The following POGLUT1 variants were observed in gnomAD, a reference collection of about 807,000 sequenced individuals.
POGLUT1 encodes protein O-glucosyltransferase 1.
In POGLUT1, 32 loss-of-function variants were observed where a neutral mutation model predicts 61.3. That is an observed-to-expected ratio of 0.52 (90% confidence interval 0.39 to 0.70). The LOEUF (loss-of-function observed/expected upper bound fraction) is 0.70, where lower values mean the gene tolerates loss of function less well. Among genes scored for constraint, POGLUT1 ranks in the 30% least tolerant of loss-of-function variants. The probability of loss-of-function intolerance (pLI) is 0.00; values close to 1 mark genes in which losing one functional copy is unlikely to be tolerated. For missense variants in POGLUT1, 411 were observed against 469.8 expected, an observed-to-expected ratio of 0.87 and a Z score of 1.16; for synonymous variants, 158 against 158.2, an observed-to-expected ratio of 1.00 and a Z score of 0.01.
intron 5 of POGLUT1, among the ~76,000 whole-genome samples, chr3:119,480,696 A>C (rs2081595859): frequency 6.6e-6 from 1 of 152,072 alleles, no homozygotes; most frequent in Non-Finnish European, 1.5e-5. Context: ...GCCTCTTTGC[A>C]AGGGATTATC....
At chr3:119,483,881 G>A (rs1373169527) in intron 5 of POGLUT1, among the ~76,000 whole-genome samples, 2 of 152,208 alleles carry the variant, frequency 1.3e-5, no homozygotes, top group Non-Finnish European at 2.9e-5. Flanking sequence ...CCAGTTGAAA[G>A]CTACTAATAT....
intron 5 of POGLUT1, among the ~76,000 whole-genome samples, chr3:119,483,454 G>C (rs1347212062): frequency 6.6e-6 from 1 of 152,170 alleles, no homozygotes; most frequent in Non-Finnish European, 1.5e-5. Flanking sequence ...TGTGCAAGTT[G>C]CTTAACCTCT....
In POGLUT1 at chr3:119,490,544, T is replaced by TC; in HGVS notation, c.798-3dup. On this transcript the variant is annotated splice_polypyrimidine_tract_variant and splice_region_variant and intron_variant, in intron 8 of 10. Coordinates refer to ENST00000295588, the MANE Select transcript of POGLUT1 (RefSeq NM_152305.3). ...GTATCAAATGTATTTTGTTCTTTTTTCCCCAGGTATCTGTTTAATTTTCGA... is the reference window on the plus strand; with the variant it reads ...GTATCAAATGTATTTTGTTCTTTTTTCCCCCAGGTATCTGTTTAATTTTCGA... 1 of 1,613,178 alleles carries TC rather than the reference T, an allele frequency of 6.2e-7. No individual in the cohort carries two copies. Among genetic ancestry groups the TC allele is most frequent in the Non-Finnish European group, 8.5e-7 (1 of 1,179,480 alleles).
Position 119,493,703 on chromosome 3 carries a change from A to G in POGLUT1, c.*1265A>G, listed in dbSNP as rs918741194. On this transcript the variant is annotated 3_prime_UTR_variant, in exon 11 of 11. Coordinates refer to ENST00000295588, the MANE Select transcript of POGLUT1 (RefSeq NM_152305.3). ...TTGTCAGAAATGTATTTGGCTTTTT[A>G]AACTCCTTTCCACAAAAGTTTAAGT... 1 of 152,150 alleles carries G rather than the reference A, an allele frequency of 6.6e-6. No homozygotes were observed. The highest frequency in any genetic ancestry group is 1.9e-4 in the East Asian group (1 of 5,196). 9.4% of individuals were successfully genotyped at this position (152,150 alleles called of 1,614,324 possible).
intron 4 of POGLUT1, chr3:119,478,356 C>T (rs2081564873): frequency 4.4e-6 from 2 of 456,660 alleles, no homozygotes; most frequent in South Asian, 3.1e-5. Flanking sequence ...TCCTGTGTTG[C>T]AAGTGGGCAG....
chr3:119,486,444 A>C (rs986999153), intron 6 of POGLUT1, among the ~76,000 whole-genome samples: 1 of 152,244 alleles, frequency 6.6e-6, no homozygotes, highest in South Asian at 2.1e-4. Flanking sequence ...CATACATAAC[A>C]AAGGTCATGT....
chr3:119,472,972 A>C (rs1476795405), intron 3 of POGLUT1, among the ~76,000 whole-genome samples: 1 of 152,214 alleles, frequency 6.6e-6, no homozygotes, highest in Admixed American at 6.5e-5. Context: ...TCAAGGCTGC[A>C]GTAAGCCTGA....
intron 3 of POGLUT1, among the ~76,000 whole-genome samples, chr3:119,473,892 C>T (rs1303567709): frequency 1.3e-5 from 2 of 152,104 alleles, no homozygotes; most frequent in Non-Finnish European, 2.9e-5. Context: ...AACTCCTGAC[C>T]TCATGATCTG....
At chr3:119,486,583 C>T (rs1012846753) in intron 6 of POGLUT1, among the ~76,000 whole-genome samples, 1 of 152,024 alleles carries the variant, frequency 6.6e-6, no homozygotes, top group Non-Finnish European at 1.5e-5. Flanking sequence ...GAACAACATA[C>T]CCTTCAAGAC....
intron 3 of POGLUT1, among the ~76,000 whole-genome samples, chr3:119,472,355 G>A (rs571847144): frequency 1.6e-3 from 246 of 152,160 alleles, no homozygotes; most frequent in African/African-American, 5.7e-3. Flanking sequence ...TTATCGATTC[G>A]TTCATAAAGA....
At chr3:119,481,484 C>T (rs977592603) in intron 5 of POGLUT1, among the ~76,000 whole-genome samples, 2 of 152,232 alleles carry the variant, frequency 1.3e-5, no homozygotes, top group Non-Finnish European at 2.9e-5. Flanking sequence ...CCATAAATAC[C>T]TATCACCTCT....
chr3:119,485,777 G>A (rs2081657443), intron 6 of POGLUT1, among the ~76,000 whole-genome samples: 1 of 152,180 alleles, frequency 6.6e-6, no homozygotes, highest in African/African-American at 2.4e-5. Context: ...TCTCTTGACT[G>A]CCTTTTTTAT....
intron 5 of POGLUT1, among the ~76,000 whole-genome samples, chr3:119,483,577 T>C (rs2081631044): frequency 6.6e-6 from 1 of 152,256 alleles, no homozygotes; most frequent in Middle Eastern, 3.2e-3. Flanking sequence ...TGAAGTGCTA[T>C]ATAGATGTTG....
chr3:119,471,367 G>A lies in POGLUT1; in HGVS notation c.235G>A (p.Glu79Lys). The change falls in exon 3 of 11, where the codon GAG (glutamate) becomes AAG (lysine). Residue 79 changes from glutamate (E) to lysine (K), a missense_variant. Physicochemically the swap from Glu to Lys is moderately conservative, Grantham distance 56. Transcript: ENST00000295588. ...RGGISRKMMA[E>K]VVRRKLGTHY... ...AGGCATCTCCAGGAAGATGATGGCA[G>A]AGGTAGTCAGACGGAAGCTAGGGAC... The A allele has an allele frequency of 2.5e-6, 4 of 1,613,944 alleles. No individual in the cohort carries two copies. Among genetic ancestry groups the A allele is most frequent in the Non-Finnish European group, 3.4e-6 (4 of 1,179,796 alleles).
rs1393522555 is a variant in POGLUT1, at chr3:119,469,854, C to T, written c.120C>T (p.Asn40=). The change falls in exon 2 of 11, where the codon AAC becomes AAT. Residue 40 remains asparagine, a synonymous_variant. Transcript: ENST00000295588. ...SKWKVFIDQI[N]RSLENYEPCS... ...GGAAAGTATTTATTGACCAAATTAA[C>T]AGGTCTTTGGAGAATTACGAACCAT... 3.7e-6 allele frequency: 6 copies of T among 1,606,066 alleles called. No homozygotes were observed. The Admixed American group carries it at 8.3e-5, about 22-fold the overall frequency.
At chr3:119,469,969 T>A in intron 2 of POGLUT1, 59 bp downstream of exon 2, 1 of 1,004,782 alleles carries the variant, frequency 1.0e-6, no homozygotes, top group Non-Finnish European at 1.6e-6. Flanking sequence ...GGAAGTATTC[T>A]AACATCCTTG....
In POGLUT1 at chr3:119,469,064, T is replaced by C. The variant is rs1352634929; in HGVS notation, c.43T>C (p.Leu15=). The part of the protein sequence containing the change: ...ASSPLRLWLL[L]FLLPSAQGRQ... Reference sequence around the variant, plus strand: ...CTCGCCGCTTCGGCTCTGGCTGCTGTTGTTCCTCCTGCCCTCAGCGCAGGG... The same window carrying C: ...CTCGCCGCTTCGGCTCTGGCTGCTGCTGTTCCTCCTGCCCTCAGCGCAGGG... Residue 15 remains leucine (L), a synonymous_variant, in exon 1 of 11, where the codon TTG becomes CTG. Transcript: ENST00000295588. 7 of 1,609,466 alleles carry C rather than the reference T, an allele frequency of 4.3e-6. No individual in the cohort carries two copies. The highest frequency in any genetic ancestry group is 1.3e-5 in the African/African-American group (1 of 74,846).
chr3:119,473,560 G>A (rs1218753718), intron 3 of POGLUT1, among the ~76,000 whole-genome samples: 1 of 152,068 alleles, frequency 6.6e-6, no homozygotes, highest in Non-Finnish European at 1.5e-5. Flanking sequence ...CGAATAGAAT[G>A]CAGTATTCCA....
chr3:119,475,029 A>G (rs6767200), intron 3 of POGLUT1, among the ~76,000 whole-genome samples: 1,981 of 152,192 alleles, frequency 0.013, 40 homozygotes, highest in South Asian at 0.071. Flanking sequence ...TTACCATGCT[A>G]AAATATTTGG....
Sources: gnomAD v4.1 joint callset for allele counts (sites outside exome capture counted in the v4.1 genomes callset) on GRCh38, gnomAD v4.1.1 for gene constraint, MANE v1.5 for transcripts, NCBI Gene and HGNC (gene_info 2026-07-23, HGNC 2026-07-21) for gene names.